The following SPTLC1 variants were observed in gnomAD, a reference collection of about 807,000 sequenced individuals.
SPTLC1 encodes the protein serine palmitoyltransferase long chain base subunit 1, also known as serine palmitoyltransferase 1.
SPTLC1 carries 55 observed loss-of-function variants against 68.9 expected under a neutral mutation model. The observed-to-expected ratio is 0.80, with a 90% CI of 0.64 to 1.00. The LOEUF (loss-of-function observed/expected upper bound fraction) is 1.00, where lower values mean the gene tolerates loss of function less well. SPTLC1 is among the 50% of genes least tolerant of loss of function. The pLI is 0.00. For synonymous variants in SPTLC1, 197 were observed against 201.6 expected (o/e 0.98, Z 0.19); for missense variants, 449 against 573.1 (o/e 0.78, Z 2.21).
At chr9:92,079,470 A>G (rs1464081327) in intron 5 of SPTLC1, 1 of 1,612,036 alleles carries the variant, frequency 6.2e-7, no homozygotes, top group East Asian at 2.2e-5. Context: ...CTCCCAGGGA[A>G]TTCACTGTAT....
chr9:92,061,362 A>C (rs1348203539), intron 6 of SPTLC1, among the ~76,000 whole-genome samples: 2 of 152,246 alleles, frequency 1.3e-5, no homozygotes, highest in East Asian at 3.8e-4. Context: ...TCTAATGCCG[A>C]AAGAAAATAA....
chr9:92,034,209 C>T (rs10820934), intron 14 of SPTLC1, among the ~76,000 whole-genome samples: 25,326 of 152,262 alleles, frequency 0.17, 2,446 homozygotes, highest in Non-Finnish European at 0.21. Context: ...CTGACCATGT[C>T]CATGCCCCCT....
At chr9:92,102,150 A>G (rs923504376) in intron 3 of SPTLC1, among the ~76,000 whole-genome samples, 1 of 152,258 alleles carries the variant, frequency 6.6e-6, no homozygotes, top group Non-Finnish European at 1.5e-5. Flanking sequence ...TGCTAATGAG[A>G]AATCAGTCAG....
chr9:92,092,131 A>G (rs560281781), intron 3 of SPTLC1, among the ~76,000 whole-genome samples: 30 of 152,366 alleles, frequency 2.0e-4, no homozygotes, highest in African/African-American at 7.2e-4. Flanking sequence ...CTATTTGAAT[A>G]ATAATTAAAG....
At chr9:92,057,708 AAG>A (rs1472005028) in intron 7 of SPTLC1, among the ~76,000 whole-genome samples, 7 of 152,236 alleles carry the variant, frequency 4.6e-5, no homozygotes, top group African/African-American at 1.7e-4. Flanking sequence ...AAAATGGACA[AAG>A]AAAACATTCA....
intron 3 of SPTLC1, among the ~76,000 whole-genome samples, chr9:92,088,561 C>A (rs1457874225): frequency 6.6e-6 from 1 of 152,142 alleles, no homozygotes; most frequent in Non-Finnish European, 1.5e-5. Flanking sequence ...AAACAAAAAA[C>A]AAACAACAAA....
chr9:92,048,070 C>G (rs993943814), intron 9 of SPTLC1, among the ~76,000 whole-genome samples: 3 of 152,188 alleles, frequency 2.0e-5, no homozygotes, highest in African/African-American at 7.2e-5. Context: ...GTCTAGCTGG[C>G]CTTCCTCATG....
chr9:92,071,724 C>T (rs892830920), intron 5 of SPTLC1, among the ~76,000 whole-genome samples: 1 of 152,148 alleles, frequency 6.6e-6, no homozygotes, highest in Non-Finnish European at 1.5e-5. Context: ...GTGACCCACA[C>T]GTACACATCC....
At chr9:92,036,117 T>C (rs1253623473) in intron 13 of SPTLC1, among the ~76,000 whole-genome samples, 1 of 152,224 alleles carries the variant, frequency 6.6e-6, no homozygotes, top group Non-Finnish European at 1.5e-5. Context: ...GCTGTGATGA[T>C]GCACAGAAGC....
At chr9:92,055,611 G>T (rs1439562607) in intron 7 of SPTLC1, 117 bp from the exon 8 acceptor site, 8 of 1,012,400 alleles carry the variant, frequency 7.9e-6, no homozygotes, top group South Asian at 6.8e-5. Flanking sequence ...TATTCTGAAT[G>T]AATTGAAAGC....
rs28430628 is a variant in SPTLC1, at chr9:92,071,075, C to G, written c.428-2977G>C. Among the ~76,000 whole-genome samples, 1,094 of 151,142 alleles carry G rather than the reference C, an allele frequency of 7.2e-3. 9 individuals carry two copies. The highest frequency in any genetic ancestry group is 0.025 in the African/African-American group (1,021 of 41,198). On this transcript the variant is annotated intron_variant, in intron 5 of 14. Transcript: ENST00000262554. ...CTTAAGGCCTTCATATTTTTGCATA[C>G]ATACTGTCCTTAAAAAAAAAAAAAT...
intron 5 of SPTLC1, among the ~76,000 whole-genome samples, chr9:92,072,207 A>G (rs1211425327): frequency 6.6e-6 from 1 of 152,124 alleles, no homozygotes; most frequent in Non-Finnish European, 1.5e-5. Flanking sequence ...CTCTTCCATC[A>G]AAGAGACTTC....
At chr9:92,051,012 T>G in intron 8 of SPTLC1, 1 of 985,202 alleles carries the variant, frequency 1.0e-6, no homozygotes, top group Non-Finnish European at 1.2e-6. Flanking sequence ...GTTCCTACAC[T>G]TCATCTTTAG....
intron 3 of SPTLC1, among the ~76,000 whole-genome samples, chr9:92,105,836 C>A (rs545538351): frequency 1.6e-4 from 25 of 151,630 alleles, no homozygotes; most frequent in Non-Finnish European, 2.7e-4. Flanking sequence ...GTGCCTCTGC[C>A]CGGCCTCCTC....
chr9:92,079,956 TA>T, intron 5 of SPTLC1, 59 bp downstream of exon 5: 1 of 1,458,486 alleles, frequency 6.9e-7, no homozygotes, highest in Non-Finnish European at 9.6e-7. Flanking sequence ...ATGCCCAGCC[TA>T]AAATTGAATC....
At chr9:92,104,188 A>C (rs886291468) in intron 3 of SPTLC1, among the ~76,000 whole-genome samples, 3 of 152,154 alleles carry the variant, frequency 2.0e-5, no homozygotes, top group Non-Finnish European at 2.9e-5. Context: ...GTCTGTGCAC[A>C]ACTCGCTCAA....
chr9:92,034,144 T>C (rs529019644), intron 14 of SPTLC1, among the ~76,000 whole-genome samples: 2 of 152,254 alleles, frequency 1.3e-5, no homozygotes, highest in South Asian at 4.1e-4. Context: ...ACTTCTCTAG[T>C]TTTGGTGTAG....
intron 7 of SPTLC1, among the ~76,000 whole-genome samples, chr9:92,058,085 TTG>T: frequency 6.6e-6 from 1 of 152,296 alleles, no homozygotes; most frequent in Middle Eastern, 3.4e-3. Flanking sequence ...TTTTTATACT[TTG>T]TAAAAGAAAT....
intron 13 of SPTLC1, among the ~76,000 whole-genome samples, chr9:92,037,728 A>C (rs1833192068): frequency 6.6e-6 from 1 of 151,864 alleles, no homozygotes; most frequent in South Asian, 2.2e-4. Context: ...AATTTAAATA[A>C]ATCTCCCCAA....
Sources: gnomAD v4.1 joint callset for allele counts (sites outside exome capture counted in the v4.1 genomes callset) on GRCh38, gnomAD v4.1.1 for gene constraint, MANE v1.5 for transcripts, NCBI Gene and HGNC (gene_info 2026-07-23, HGNC 2026-07-21) for gene names.